TRIM9: variants seen among roughly 807,000 people sequenced by gnomAD.
TRIM9 encodes tripartite motif containing 9.
A neutral mutation model predicts 78.3 loss-of-function variants in TRIM9; 26 were observed. That is an observed-to-expected ratio of 0.33 (90% confidence interval 0.24 to 0.46). TRIM9 has a LOEUF of 0.46. TRIM9 is among the 20% of genes least tolerant of loss of function. The pLI is 1.00. For synonymous variants in TRIM9, 398 were observed against 416.5 expected, an observed-to-expected ratio of 0.96 and a Z score of 0.54; for missense variants, 787 against 1,036.4, an observed-to-expected ratio of 0.76 and a Z score of 3.30.
intron 1 of TRIM9, among the ~76,000 whole-genome samples, chr14:51,060,404 T>C (rs922512949): frequency 2.0e-5 from 3 of 152,210 alleles, no homozygotes; most frequent in Admixed American, 2.0e-4. Context: ...ATGTATTCTG[T>C]GTCAGCTGCT....
chr14:51,005,372 G>C (rs760141465), intron 5 of TRIM9, among the ~76,000 whole-genome samples: 3 of 152,114 alleles, frequency 2.0e-5, no homozygotes, highest in Non-Finnish European at 4.4e-5. Context: ...AACAGCCAAT[G>C]GTCTATGTGC....
In TRIM9 at chr14:50,992,601, G is replaced by A. The variant is rs66985763; in HGVS notation, c.1603+5449C>T. On this transcript the variant is annotated intron_variant, in intron 7 of 12. Transcript: ENST00000684578. ...AAGATAAATGAATGAATGAATGAAT[G>A]AATAAATAAATAAGTAATTGCAAAA... 3.9e-3 allele frequency among the ~76,000 whole-genome samples: 487 copies of A among 124,962 alleles called. 3 individuals are homozygous for A. Among genetic ancestry groups the A allele is most frequent in the African/African-American group, 0.014 (450 of 32,944 alleles). 82.0% of individuals were successfully genotyped at this position (124,962 alleles called of 152,430 possible). A position where few individuals can be genotyped will look rare whatever the true frequency, so the allele number is the denominator to read the frequency against.
At chr14:51,011,372 T>G (rs531920827) in intron 3 of TRIM9, among the ~76,000 whole-genome samples, 1 of 152,334 alleles carries the variant, frequency 6.6e-6, no homozygotes, top group East Asian at 1.9e-4. Flanking sequence ...TTTTTTTATT[T>G]CCAAAGATGG....
At position 51,009,850 on chromosome 14, in the gene TRIM9, A is replaced by T. The variant is rs1468876928; in HGVS notation, c.1152+534T>A. ...AAAAGGTTCCTTATCATTGGGATCA[A>T]AGCTTAAGTAAAATCCAGCTTACAC... is the stretch of plus-strand genomic sequence containing the variant. On this transcript the variant is annotated intron_variant, in intron 4 of 12. Transcript: ENST00000684578. Among the ~76,000 whole-genome samples, 6 of 152,354 alleles carry T rather than the reference A, an allele frequency of 3.9e-5. No homozygotes were observed. The East Asian group carries it at 1.2e-3, about 29-fold the overall frequency.
Position 51,000,731 on chromosome 14 carries a change from G to A in TRIM9, c.1416C>T (p.Ala472=), listed in dbSNP as rs775705971. 12 of 1,614,030 alleles carry A rather than the reference G, an allele frequency of 7.4e-6. No homozygotes were observed. The highest frequency in any genetic ancestry group is 2.7e-5 in the African/African-American group (2 of 74,932). ...CATCCAGCTCCAGAATGTATCCATCGGCGGGCACCGTGGACAGAGGTGGCT... is the reference window on the plus strand; with the variant it reads ...CATCCAGCTCCAGAATGTATCCATCAGCGGGCACCGTGGACAGAGGTGGCT... ...WKQPPLSTVP[A]DGYILELDDG... is the part of the protein sequence containing the mutation. The change falls in exon 6 of 13, where the codon GCC becomes GCT. Residue 472 remains alanine (A), a synonymous_variant. Coordinates refer to ENST00000684578, the MANE Select transcript of TRIM9 (RefSeq NM_001387360.1).
chr14:51,061,142 G>A (rs552693962), intron 1 of TRIM9, among the ~76,000 whole-genome samples: 75 of 152,300 alleles, frequency 4.9e-4, no homozygotes, highest in African/African-American at 1.7e-3. Context: ...GCTGGGCGTG[G>A]TGGCTCACGC....
intron 1 of TRIM9, among the ~76,000 whole-genome samples, chr14:51,053,373 C>G (rs2060588855): frequency 6.6e-6 from 1 of 151,698 alleles, no homozygotes; most frequent in South Asian, 2.1e-4. Flanking sequence ...AGTCAGTGCA[C>G]ACTCATGATA....
chr14:51,050,310 A>G (rs998344625), intron 1 of TRIM9, among the ~76,000 whole-genome samples: 4 of 152,096 alleles, frequency 2.6e-5, no homozygotes, highest in Non-Finnish European at 4.4e-5. Flanking sequence ...AGTTTTCCCC[A>G]TACTGTTCTC....
chr14:51,082,911 G>C (rs954091074), intron 1 of TRIM9, among the ~76,000 whole-genome samples: 1 of 152,320 alleles, frequency 6.6e-6, no homozygotes, highest in African/African-American at 2.4e-5. Flanking sequence ...AGAATACAGA[G>C]TCTGGCTCTT....
chr14:51,045,198 C>G (rs1178171016), intron 1 of TRIM9, among the ~76,000 whole-genome samples: 1 of 152,206 alleles, frequency 6.6e-6, no homozygotes, highest in Non-Finnish European at 1.5e-5. Flanking sequence ...ACTCCTTCCC[C>G]TGTGAGCATC....
chr14:51,008,316 C>T (rs1340596044), intron 5 of TRIM9, among the ~76,000 whole-genome samples: 1 of 152,160 alleles, frequency 6.6e-6, no homozygotes, highest in Non-Finnish European at 1.5e-5. Context: ...GTTATAGCTA[C>T]AAGATGTAAC....
At chr14:51,081,731 G>A (rs57535388) in intron 1 of TRIM9, among the ~76,000 whole-genome samples, 41,073 of 152,038 alleles carry the variant, frequency 0.27, 6,314 homozygotes, top group East Asian at 0.51. Context: ...TCACTAGAAT[G>A]ACTCACAGAA....
intron 1 of TRIM9, among the ~76,000 whole-genome samples, chr14:51,053,509 CTTTT>C (rs201980160): frequency 0.12 from 13,268 of 113,838 alleles, 676 homozygotes; most frequent in South Asian, 0.18. Context: ...AACAGGTATT[CTTTT>C]TTTTTTTTTT....
chr14:50,987,271 T>C (rs571520351), intron 7 of TRIM9, among the ~76,000 whole-genome samples: 1 of 152,330 alleles, frequency 6.6e-6, no homozygotes, highest in African/African-American at 2.4e-5. Context: ...CATACACTTC[T>C]ATCAAAATGT....
chr14:51,010,622 G>A, intron 3 of TRIM9, 128 bp from the exon 4 acceptor site: 1 of 669,812 alleles, frequency 1.5e-6, no homozygotes, highest in Non-Finnish European at 2.5e-6. Context: ...AAATTTATGA[G>A]AATATTTTCT....
At chr14:51,074,623 C>T (rs2062591654) in intron 1 of TRIM9, among the ~76,000 whole-genome samples, 2 of 152,314 alleles carry the variant, frequency 1.3e-5, no homozygotes, top group South Asian at 4.1e-4. Flanking sequence ...ATCCTTCCAC[C>T]CCACCCTGCC....
At chr14:51,019,512 A>G (rs534839340) in intron 3 of TRIM9, among the ~76,000 whole-genome samples, 71 of 152,282 alleles carry the variant, frequency 4.7e-4, no homozygotes, top group Admixed American at 1.5e-3. Context: ...ACAATGATCA[A>G]TTATGAACTC....
Position 51,094,109 on chromosome 14 carries a change from A to T in TRIM9, c.822+9T>A. The stretch of plus-strand genomic sequence containing the variant: ...CAGGGAGTTAGGAGTGGGTTTTCTT[A>T]GGACTCACCTTATGTAGTTTCCACA... On this transcript the variant is annotated intron_variant, in intron 1 of 12. Coordinates refer to ENST00000684578, the MANE Select transcript of TRIM9 (RefSeq NM_001387360.1). 6.2e-7 allele frequency: 1 copy of T among 1,603,408 alleles called. No homozygotes were observed. The highest frequency in any genetic ancestry group is 8.5e-7 in the Non-Finnish European group (1 of 1,171,938).
chr14:51,027,510 G>A (rs875204), intron 1 of TRIM9, among the ~76,000 whole-genome samples: 37,747 of 151,446 alleles, frequency 0.25, 5,163 homozygotes, highest in Non-Finnish European at 0.31. Flanking sequence ...GGAGGGATTC[G>A]CAGGACAGAT....
Sources: allele counts gnomAD v4.1 joint callset (sites outside exome capture counted in the v4.1 genomes callset), GRCh38; gene constraint gnomAD v4.1.1; transcripts MANE v1.5; gene names NCBI Gene and HGNC (gene_info 2026-07-23, HGNC 2026-07-21).